The following PTCH1 variants were observed in gnomAD, a reference collection of about 807,000 sequenced individuals.
The protein encoded by PTCH1 is patched 1.
PTCH1 carries 14 observed loss-of-function variants against 144.6 expected under a neutral mutation model. The observed-to-expected ratio is 0.10, with a 90% CI of 0.06 to 0.15. The LOEUF is 0.15. Among genes scored for constraint, PTCH1 ranks in the 10% least tolerant of loss-of-function variants. The pLI, the probability that PTCH1 is intolerant of heterozygous loss-of-function variation, is 1.00. For missense variants in PTCH1, 1,623 were observed against 1,948.3 expected, an observed-to-expected ratio of 0.83 and a Z score of 3.14; for synonymous variants, 833 against 793.6, an observed-to-expected ratio of 1.05 and a Z score of -0.83.
At chr9:95,465,613 T>C (rs1588563474) in intron 15 of PTCH1, among the ~76,000 whole-genome samples, 1 of 152,222 alleles carries the variant, frequency 6.6e-6, no homozygotes, top group African/African-American at 2.4e-5. Flanking sequence ...AGAAGCTGTA[T>C]GGAACCATCC....
intron 1 of PTCH1, among the ~76,000 whole-genome samples, chr9:95,515,106 G>T (rs540484863): frequency 2.1e-4 from 32 of 152,276 alleles, no homozygotes; most frequent in African/African-American, 7.7e-4. Flanking sequence ...GAAATTTTAA[G>T]TTGCAATAAC....
In PTCH1 at chr9:95,447,223, G is replaced by C. The variant is rs556901417; in HGVS notation, c.4033C>G (p.Arg1345Gly). Reference sequence around the variant, plus strand: ...GCTGGGTTCCGAGGGTTGTGAGAACGGGCCCCGCGAGGGCCCCAGCGGGCC... The same window carrying C: ...GCTGGGTTCCGAGGGTTGTGAGAACCGGCCCCGCGAGGGCCCCAGCGGGCC... Reference protein sequence around the residue: ...NRARWGPRGARSHNPRNPAST... With the variant: ...NRARWGPRGAGSHNPRNPAST... Residue 1345 changes from arginine (R) to glycine (G), a missense_variant, in exon 23 of 24, where the codon CGT (arginine) becomes GGT (glycine). Physicochemically the swap from Arg to Gly is moderately radical, Grantham distance 125 (BLOSUM62 -2). Coordinates refer to ENST00000331920, the MANE Select transcript of PTCH1 (RefSeq NM_000264.5). 4 of 1,611,580 alleles carry C rather than the reference G, an allele frequency of 2.5e-6. No homozygotes were observed. In the South Asian group the frequency reaches 4.4e-5, roughly 18 times the overall value.
At chr9:95,506,219 T>C (rs984978058) in intron 2 of PTCH1, 188 bp downstream of exon 2, 5 of 622,034 alleles carry the variant, frequency 8.0e-6, no homozygotes, top group African/African-American at 5.8e-5. Context: ...CCCGAGTAGA[T>C]TACAGCGCGG....
In PTCH1 at chr9:95,461,017, GAGA is replaced by G. The variant is rs543367567; in HGVS notation, c.2703+836_2703+838del. 3.0e-3 allele frequency among the ~76,000 whole-genome samples: 456 copies of G among 152,290 alleles called. 7 individuals carry two copies. The highest frequency in any genetic ancestry group is 1.1e-3 in the Non-Finnish European group (74 of 68,032). On this transcript the variant is annotated intron_variant, in intron 16 of 23. Coordinates refer to ENST00000331920, the MANE Select transcript of PTCH1 (RefSeq NM_000264.5). The stretch of plus-strand genomic sequence containing the variant: ...AGGGGAGACAATAAACATAGCTGCT[GAGA>G]AGATCATTAGCATGACGGTTTTCTG...
In PTCH1 at chr9:95,449,780, G is replaced by A. The variant is rs1336474485; in HGVS notation, c.3549+61C>T. On this transcript the variant is annotated intron_variant, in intron 21 of 23. Transcript: ENST00000331920. The surrounding 1 kb of genome is among the most constrained non-coding windows in gnomAD (Gnocchi z 5.3). ...GCACCTAAGTATCGAAGTGAAGAGC[G>A]GCACAGGAAACACAGCATTCAGCCG... is the stretch of plus-strand genomic sequence containing the variant. The A allele has an allele frequency of 2.8e-6, 4 of 1,451,558 alleles. No individual in the cohort carries two copies. Among genetic ancestry groups the A allele is most frequent in the East Asian group, 4.6e-5 (2 of 43,624 alleles). 89.9% of individuals were successfully genotyped at this position (1,451,558 alleles called of 1,614,324 possible). A position where few individuals can be genotyped will look rare whatever the true frequency, so the allele number is the denominator to read the frequency against.
chr9:95,476,182 C>A lies in PTCH1; in HGVS notation c.1603-23G>T, dbSNP rs770798142. On this transcript the variant is annotated intron_variant, in intron 11 of 23. Coordinates refer to ENST00000331920, the MANE Select transcript of PTCH1 (RefSeq NM_000264.5). The surrounding 1 kb of genome is among the most constrained non-coding windows in gnomAD (Gnocchi z 4.6). ...GTCCTGGGAATAAAAAAACACAGCGCTGAGAGCTGCACTGGACATGGTCCC... is the reference window on the plus strand; with the variant it reads ...GTCCTGGGAATAAAAAAACACAGCGATGAGAGCTGCACTGGACATGGTCCC... 1 of 1,604,762 alleles carries A rather than the reference C, an allele frequency of 6.2e-7. No individual in the cohort carries two copies. The highest frequency in any genetic ancestry group is 8.5e-7 in the Non-Finnish European group (1 of 1,176,400).
intron 6 of PTCH1, 133 bp from the exon 7 acceptor site, chr9:95,480,223 C>T (rs992205082): frequency 7.8e-6 from 12 of 1,532,480 alleles, no homozygotes. Flanking sequence ...AGGTGTATGG[C>T]AAATCTTACA....
At position 95,481,143 on chromosome 9, in the gene PTCH1, G is replaced by A. The variant is rs537360110; in HGVS notation, c.747-555C>T. Among the ~76,000 whole-genome samples, 208 of 152,266 alleles carry A rather than the reference G, an allele frequency of 1.4e-3. 1 individual carries two copies. Among genetic ancestry groups the A allele is most frequent in the African/African-American group, 4.8e-3 (201 of 41,568 alleles). ...CACTCACTTTTGAATCTGTGCTGTT[G>A]ACAGACCAGAAAGGCTTTTGGCTGC... is the stretch of plus-strand genomic sequence containing the variant. On this transcript the variant is annotated intron_variant, in intron 5 of 23. Coordinates refer to ENST00000331920, the MANE Select transcript of PTCH1 (RefSeq NM_000264.5).
At chr9:95,493,333 C>T (rs1587655295) in intron 2 of PTCH1, among the ~76,000 whole-genome samples, 1 of 152,328 alleles carries the variant, frequency 6.6e-6, no homozygotes, top group South Asian at 2.1e-4. Flanking sequence ...TCTGAGGGAC[C>T]AACCGAAGTT....
chr9:95,506,249 G>T, intron 2 of PTCH1, 158 bp downstream of exon 2: 1 of 862,236 alleles, frequency 1.2e-6, no homozygotes, highest in Non-Finnish European at 1.7e-6. Flanking sequence ...GGCGGGCCTG[G>T]CTCCCGGCCA....
At chr9:95,457,841 G>A (rs1839075899) in intron 18 of PTCH1, among the ~76,000 whole-genome samples, 172 bp downstream of exon 18, 1 of 152,164 alleles carries the variant, frequency 6.6e-6, no homozygotes, top group Admixed American at 6.5e-5. Context: ...AAGGCCATTA[G>A]AGGTTCTACC....
intron 1 of PTCH1, among the ~76,000 whole-genome samples, chr9:95,516,199 C>A (rs898908844): frequency 6.6e-5 from 10 of 150,602 alleles, no homozygotes; most frequent in South Asian, 2.1e-4. Flanking sequence ...GGCCAGCCCC[C>A]TCCCCGCCAC....
In PTCH1 at chr9:95,456,308, T is replaced by C. The variant is rs2136647902; in HGVS notation, c.3274A>G (p.Ile1092Val). Residue 1092 changes from isoleucine to valine, a missense_variant, in exon 19 of 24, where the codon ATA becomes GTA. By Grantham distance (29) the Ile-to-Val change is conservative. Transcript: ENST00000331920. ...ACGTGAACGGTGAACTCCACTCCTA[T>C]GCCAACAGAAGCGATCAGGATGACC... ...PVVILIASVG[I>V]GVEFTVHVAL... 1.9e-6 allele frequency: 3 copies of C among 1,614,018 alleles called. No homozygotes were observed. Among genetic ancestry groups the C allele is most frequent in the Non-Finnish European group, 2.5e-6 (3 of 1,180,022 alleles).
At chr9:95,454,427 C>T (rs560130583) in intron 19 of PTCH1, among the ~76,000 whole-genome samples, 14 of 152,310 alleles carry the variant, frequency 9.2e-5, no homozygotes, top group African/African-American at 3.4e-4. Flanking sequence ...TACCTACCTG[C>T]AGAAGGACTG....
chr9:95,450,358 T>C (rs1793263574), intron 20 of PTCH1: 2 of 310,108 alleles, frequency 6.4e-6, no homozygotes, highest in Non-Finnish European at 1.2e-5. Flanking sequence ...ACAAATGAAG[T>C]GAAGGGTGTA....
intron 3 of PTCH1, 46 bp downstream of exon 3, chr9:95,485,639 C>T (rs374955798): frequency 1.9e-6 from 3 of 1,611,110 alleles, no homozygotes; most frequent in Non-Finnish European, 2.5e-6. Context: ...CCTTCTCCCA[C>T]CGCCTTACCT....
intron 2 of PTCH1, among the ~76,000 whole-genome samples, chr9:95,505,451 A>G (rs543057815): frequency 6.6e-6 from 1 of 152,328 alleles, no homozygotes; most frequent in Admixed American, 6.5e-5. Flanking sequence ...GCGGGGGAAA[A>G]AAATTGAAAC....
chr9:95,480,054 G>A lies in PTCH1; in HGVS notation c.982C>T (p.His328Tyr), dbSNP rs1225922358. The A allele has an allele frequency of 6.2e-7, 1 of 1,613,842 alleles. No homozygotes were observed. Among genetic ancestry groups the A allele is most frequent in the Non-Finnish European group, 8.5e-7 (1 of 1,180,022 alleles). ...DMALVLNGGC[H>Y]GLSRKYMHWQ... ...TGCATATACTTTCTGGATAAGCCAT[G>A]ACATCCACCATTCAAAACAAGGGCC... Residue 328 changes from histidine to tyrosine, a missense_variant, in exon 7 of 24, where the codon CAT (histidine) becomes TAT (tyrosine). By Grantham distance (83) the His-to-Tyr change is moderately conservative (BLOSUM62 2). Around this residue, in one of 7 missense-constraint regions of PTCH1, gnomAD observed 230 missense variants for 271.0 expected, o/e 0.85. Coordinates refer to ENST00000331920, the MANE Select transcript of PTCH1 (RefSeq NM_000264.5).
chr9:95,496,089 T>C (rs1017006618), intron 2 of PTCH1, among the ~76,000 whole-genome samples: 1 of 152,226 alleles, frequency 6.6e-6, no homozygotes, highest in Non-Finnish European at 1.5e-5. Context: ...GGCCCTGACC[T>C]GCAGCTGGAA....
Sources: allele counts gnomAD v4.1 joint callset (sites outside exome capture counted in the v4.1 genomes callset), GRCh38; gene constraint gnomAD v4.1.1; regional missense constraint gnomAD v4.1.1; non-coding constraint Gnocchi (gnomAD v3.1); transcripts MANE v1.5; gene names NCBI Gene and HGNC (gene_info 2026-07-23, HGNC 2026-07-21).